The following SH3PXD2B variants were observed in gnomAD, a reference collection of about 807,000 sequenced individuals.
SH3PXD2B encodes the protein SH3 and PX domains 2B, also known as SH3 and PX domain-containing protein 2B.
SH3PXD2B carries 37 observed loss-of-function variants against 73.1 expected under a neutral mutation model. The ratio of observed to expected loss-of-function variants is 0.51; its 90% confidence interval spans 0.39 to 0.67. SH3PXD2B has a LOEUF of 0.67. Ranked by LOEUF, SH3PXD2B falls within the 30% of genes least tolerant of loss-of-function variation. The pLI, the probability that SH3PXD2B is intolerant of heterozygous loss-of-function variation, is 0.00. For missense variants in SH3PXD2B, 1,053 were observed against 1,197.8 expected, an observed-to-expected ratio of 0.88 and a Z score of 1.78; for synonymous variants, 457 against 480.5, an observed-to-expected ratio of 0.95 and a Z score of 0.64.
intron 1 of SH3PXD2B, among the ~76,000 whole-genome samples, chr5:172,439,692 G>GTGCA (rs1554087697): frequency 4.3e-5 from 6 of 138,542 alleles, no homozygotes; most frequent in African/African-American, 1.4e-4. Flanking sequence ...GCACGCGCGC[G>GTGCA]CACACACACA....
chr5:172,420,395 G>A (rs1758934909), intron 2 of SH3PXD2B, among the ~76,000 whole-genome samples: 1 of 151,990 alleles, frequency 6.6e-6, no homozygotes, highest in South Asian at 2.1e-4. Flanking sequence ...TAGGCGTTTC[G>A]GGAAACCAGT....
At chr5:172,399,856 T>C (rs1758388040) in intron 3 of SH3PXD2B, among the ~76,000 whole-genome samples, 1 of 152,210 alleles carries the variant, frequency 6.6e-6, no homozygotes, top group African/African-American at 2.4e-5. Flanking sequence ...TTATTGGGCT[T>C]ATGTGCCTTT....
At chr5:172,375,560 A>G (rs2113357589) in intron 5 of SH3PXD2B, among the ~76,000 whole-genome samples, 1 of 152,252 alleles carries the variant, frequency 6.6e-6, no homozygotes, top group East Asian at 1.9e-4. Flanking sequence ...GCTGTCTCTA[A>G]CGATTTGCCT....
chr5:172,371,017 G>A (rs1757692078), intron 6 of SH3PXD2B, among the ~76,000 whole-genome samples: 1 of 152,148 alleles, frequency 6.6e-6, no homozygotes, highest in African/African-American at 2.4e-5. Context: ...GAGAGAAGAG[G>A]GGATGAGAAA....
Position 172,337,118 on chromosome 5 carries a change from A to T in SH3PXD2B, c.*1251T>A. 4.1e-6 allele frequency: 4 copies of T among 985,420 alleles called. No individual in the cohort carries two copies. Among genetic ancestry groups the T allele is most frequent in the Non-Finnish European group, 4.8e-6 (4 of 829,958 alleles). 61.0% of individuals were successfully genotyped at this position (985,420 alleles called of 1,614,324 possible). On this transcript the variant is annotated 3_prime_UTR_variant, in exon 13 of 13. Coordinates refer to ENST00000311601, the MANE Select transcript of SH3PXD2B (RefSeq NM_001017995.3). ...AGAAGAGGGAACAGGGCTCTGTGTCAACCACCAGGACCCTGGCATTCTCCT... is the reference window on the plus strand; with the variant it reads ...AGAAGAGGGAACAGGGCTCTGTGTCTACCACCAGGACCCTGGCATTCTCCT...
chr5:172,425,859 G>A (rs764759176), intron 1 of SH3PXD2B, among the ~76,000 whole-genome samples: 1 of 152,104 alleles, frequency 6.6e-6, no homozygotes, highest in South Asian at 2.1e-4. Flanking sequence ...GAGCTGGAGC[G>A]GACCAAAGAA....
In SH3PXD2B at chr5:172,426,499, T is replaced by C. The variant is rs529999618; in HGVS notation, c.76-4003A>G. Among the ~76,000 whole-genome samples the C allele has an allele frequency of 2.6e-5, 4 of 152,316 alleles. No individual in the cohort carries two copies. The East Asian group carries it at 7.7e-4, about 29-fold the overall frequency. ...GTGCAACGTTCAGCTTCCCTCACAG[T>C]GGTCATCCCATGTTCCTGCTTGTCT... is the stretch of plus-strand genomic sequence containing the variant. On this transcript the variant is annotated intron_variant, in intron 1 of 12. Coordinates refer to ENST00000311601, the MANE Select transcript of SH3PXD2B (RefSeq NM_001017995.3).
At chr5:172,405,513 G>C (rs549125243) in intron 3 of SH3PXD2B, among the ~76,000 whole-genome samples, 7 of 152,326 alleles carry the variant, frequency 4.6e-5, no homozygotes, top group African/African-American at 1.7e-4. Context: ...GAGGGATGTG[G>C]GAAGCTTTTA....
chr5:172,395,992 C>T (rs143044251), intron 3 of SH3PXD2B, among the ~76,000 whole-genome samples: 269 of 152,052 alleles, frequency 1.8e-3, no homozygotes, highest in African/African-American at 6.2e-3. Flanking sequence ...TGATCTAAGA[C>T]GGTTTCTGGT....
At chr5:172,357,208 G>A (rs1757299812) in intron 8 of SH3PXD2B, among the ~76,000 whole-genome samples, 1 of 150,838 alleles carries the variant, frequency 6.6e-6, no homozygotes, top group Admixed American at 6.6e-5. Context: ...CAGATCACTT[G>A]AGGTCAGGAG....
intron 7 of SH3PXD2B, among the ~76,000 whole-genome samples, chr5:172,362,426 C>T (rs1757422078): frequency 6.6e-6 from 1 of 152,202 alleles, no homozygotes; most frequent in Non-Finnish European, 1.5e-5. Flanking sequence ...GGCAAATCAA[C>T]AGAGCACATT....
chr5:172,366,213 A>C (rs1047285538), intron 6 of SH3PXD2B, among the ~76,000 whole-genome samples: 3 of 152,134 alleles, frequency 2.0e-5, no homozygotes, highest in Non-Finnish European at 4.4e-5. Flanking sequence ...GTGCTCCATC[A>C]CCTGGCTTCA....
At chr5:172,446,872 T>C (rs1487723050) in intron 1 of SH3PXD2B, among the ~76,000 whole-genome samples, 1 of 152,246 alleles carries the variant, frequency 6.6e-6, no homozygotes, top group African/African-American at 2.4e-5. Context: ...GGAAAGCATC[T>C]GCCCAGACCT....
At chr5:172,349,580 T>G (rs1181559689) in intron 10 of SH3PXD2B, among the ~76,000 whole-genome samples, 2 of 152,166 alleles carry the variant, frequency 1.3e-5, no homozygotes, top group Non-Finnish European at 2.9e-5. Flanking sequence ...CGAGGCCACA[T>G]GGAGCAATAG....
At chr5:172,350,224 C>A in intron 10 of SH3PXD2B, 139 bp downstream of exon 10, 1 of 784,638 alleles carries the variant, frequency 1.3e-6, no homozygotes, top group Non-Finnish European at 2.0e-6. Flanking sequence ...CCCGGGGTTT[C>A]TGGGCCTCTG....
At chr5:172,447,866 T>C (rs1759708402) in intron 1 of SH3PXD2B, among the ~76,000 whole-genome samples, 1 of 143,256 alleles carries the variant, frequency 7.0e-6, no homozygotes, top group Non-Finnish European at 1.5e-5. Context: ...GCTGAGGGGC[T>C]GGTGCATTGC....
At chr5:172,437,631 C>T (rs920446064) in intron 1 of SH3PXD2B, among the ~76,000 whole-genome samples, 7 of 152,260 alleles carry the variant, frequency 4.6e-5, no homozygotes, top group African/African-American at 1.7e-4. Context: ...CAAGCTCAGG[C>T]TCTGCAGCAA....
intron 7 of SH3PXD2B, among the ~76,000 whole-genome samples, chr5:172,361,492 C>T (rs550446886): frequency 1.1e-4 from 16 of 152,328 alleles, no homozygotes; most frequent in African/African-American, 3.8e-4. Context: ...TTCCTGGCCC[C>T]CACACTTCTT....
At chr5:172,378,772 T>G (rs946263987) in intron 5 of SH3PXD2B, among the ~76,000 whole-genome samples, 1 of 152,116 alleles carries the variant, frequency 6.6e-6, no homozygotes, top group Non-Finnish European at 1.5e-5. Context: ...TTACCCAGCT[T>G]GAAAGTGGCT....
Sources: gnomAD v4.1 joint callset for allele counts (sites outside exome capture counted in the v4.1 genomes callset) on GRCh38, gnomAD v4.1.1 for gene constraint, MANE v1.5 for transcripts, NCBI Gene and HGNC (gene_info 2026-07-23, HGNC 2026-07-21) for gene names.